Variants in FAM91A1 observed in about 807,000 individuals in gnomAD.
FAM91A1 encodes the protein protein FAM91A1.
Under a neutral mutation model 113.5 loss-of-function variants are expected in FAM91A1, and 41 were observed. That is an observed-to-expected ratio of 0.36 (90% confidence interval 0.28 to 0.47). FAM91A1 has a LOEUF of 0.47. FAM91A1 is among the 20% of genes least tolerant of loss of function. The pLI, the probability that FAM91A1 is intolerant of heterozygous loss-of-function variation, is 1.00. For synonymous variants in FAM91A1, 307 were observed against 347.9 expected (o/e 0.88, Z 1.31); for missense variants, 696 against 1,001.2 (o/e 0.70, Z 4.11).
At chr8:123,793,399 T>C (rs1162068294) in intron 15 of FAM91A1, among the ~76,000 whole-genome samples, 1 of 152,208 alleles carries the variant, frequency 6.6e-6, no homozygotes, top group Non-Finnish European at 1.5e-5. Flanking sequence ...TTTCCCCCAC[T>C]TGAGCAGTTC....
chr8:123,771,738 C>G (rs7815695), intron 1 of FAM91A1, among the ~76,000 whole-genome samples: 55,742 of 151,888 alleles, frequency 0.37, 14,267 homozygotes, highest in African/African-American at 0.73. Context: ...TTTTTTGATG[C>G]GGCACAGGGG....
At chr8:123,774,622 AT>A (rs1814935590) in intron 2 of FAM91A1, among the ~76,000 whole-genome samples, 1 of 151,488 alleles carries the variant, frequency 6.6e-6, no homozygotes, top group Non-Finnish European at 1.5e-5. Flanking sequence ...TTATCAGATT[AT>A]TTTGGTTAGT....
At position 123,799,548 on chromosome 8, in the gene FAM91A1, G is replaced by T; in HGVS notation, c.1589G>T (p.Ser530Ile). 1 of 1,613,446 alleles carries T rather than the reference G, an allele frequency of 6.2e-7. No individual in the cohort carries two copies. The highest frequency in any genetic ancestry group is 8.5e-7 in the Non-Finnish European group (1 of 1,179,856). ...ATTGGACCAGCTATCCCAGAAGTCA[G>T]CTCTGTCTGGTTTAAACTGTACATT... ...QHIGPAIPEV[S>I]SVWFKLYIYH... Residue 530 changes from serine (S) to isoleucine (I), a missense_variant, in exon 17 of 24, where the codon AGC becomes ATC. Physicochemically the swap from Ser to Ile is moderately radical, Grantham distance 142. Transcript: ENST00000334705.
At chr8:123,809,168 G>A (rs567873362) in intron 22 of FAM91A1, 152 bp downstream of exon 22, 354 of 1,225,010 alleles carry the variant, frequency 2.9e-4, no homozygotes, top group Admixed American at 5.1e-4. Context: ...TAAGGGTTTT[G>A]CTGTATTTTT....
At chr8:123,798,588 A>G (rs182704457) in intron 16 of FAM91A1, among the ~76,000 whole-genome samples, 2 of 152,214 alleles carry the variant, frequency 1.3e-5, no homozygotes, top group Admixed American at 6.5e-5. Flanking sequence ...GTGATTCTGA[A>G]TAAGCCGAAA....
At chr8:123,768,821 C>T (rs773115077) in intron 1 of FAM91A1, 47 bp downstream of exon 1, 4 of 1,576,848 alleles carry the variant, frequency 2.5e-6, no homozygotes, top group South Asian at 1.1e-5. Context: ...TCGGCCCGCC[C>T]AGCGGTCACC....
At chr8:123,771,957 C>T (rs886244654) in intron 1 of FAM91A1, among the ~76,000 whole-genome samples, 1 of 152,078 alleles carries the variant, frequency 6.6e-6, no homozygotes, top group Non-Finnish European at 1.5e-5. Context: ...AGAGTTGACT[C>T]GGGGTAAAAT....
chr8:123,790,020 G>A (rs1815346195), intron 15 of FAM91A1, among the ~76,000 whole-genome samples: 1 of 152,084 alleles, frequency 6.6e-6, no homozygotes, highest in Admixed American at 6.5e-5. Context: ...GTAGCTGGAT[G>A]GAATTTAGAA....
chr8:123,800,036 G>C (rs944068752), intron 18 of FAM91A1, 151 bp downstream of exon 18: 9 of 694,696 alleles, frequency 1.3e-5, no homozygotes, highest in Middle Eastern at 4.2e-4. Context: ...AGTCCTGGCC[G>C]TTTGGCAGTG....
At chr8:123,811,976 A>G (rs1815967252) in intron 23 of FAM91A1, 1 of 152,298 alleles carries the variant, frequency 6.6e-6, no homozygotes, top group Non-Finnish European at 1.5e-5. Flanking sequence ...GGTTCAAGCC[A>G]TTCTCCTGCC....
At chr8:123,802,327 A>G (rs1351713074) in intron 18 of FAM91A1, among the ~76,000 whole-genome samples, 1 of 152,198 alleles carries the variant, frequency 6.6e-6, no homozygotes, top group African/African-American at 2.4e-5. Context: ...TTGATCAGAT[A>G]TCTGAGAGAG....
At chr8:123,790,348 C>T (rs1815354170) in intron 15 of FAM91A1, among the ~76,000 whole-genome samples, 1 of 152,000 alleles carries the variant, frequency 6.6e-6, no homozygotes, top group Admixed American at 6.5e-5. Context: ...GAATTTCTAC[C>T]CAGATGGGGA....
chr8:123,798,535 A>T (rs1815599080), intron 16 of FAM91A1, among the ~76,000 whole-genome samples: 1 of 152,200 alleles, frequency 6.6e-6, no homozygotes, highest in African/African-American at 2.4e-5. Flanking sequence ...GAGAGATAAG[A>T]TAAATTTAAT....
intron 15 of FAM91A1, among the ~76,000 whole-genome samples, chr8:123,797,397 C>T (rs550757103): frequency 6.6e-6 from 1 of 152,214 alleles, no homozygotes; most frequent in South Asian, 2.1e-4. Flanking sequence ...TGTAAAGTTA[C>T]ACCCATCATG....
In FAM91A1 at chr8:123,774,064, T is replaced by C. The variant is rs568159067; in HGVS notation, c.73-16T>C. ...AGTTTGGAAGTTGTTTAAAATCTTT[T>C]TGAAATTTCTCCTAGAGTCTTGGAA... is the stretch of plus-strand genomic sequence containing the variant. On this transcript the variant is annotated splice_polypyrimidine_tract_variant and intron_variant, in intron 1 of 23. Coordinates refer to ENST00000334705, the MANE Select transcript of FAM91A1 (RefSeq NM_144963.4). 66 of 1,601,644 alleles carry C rather than the reference T, an allele frequency of 4.1e-5. 1 individual carries two copies. The South Asian group carries it at 7.2e-4, about 18-fold the overall frequency.
intron 20 of FAM91A1, among the ~76,000 whole-genome samples, chr8:123,806,761 C>T (rs1815822523): frequency 6.6e-6 from 1 of 152,058 alleles, no homozygotes; most frequent in Non-Finnish European, 1.5e-5. Flanking sequence ...TGTGACTGCT[C>T]TTCTTGTCTG....
At chr8:123,780,155 C>T in intron 7 of FAM91A1, 80 bp downstream of exon 7, 2 of 1,173,280 alleles carry the variant, frequency 1.7e-6, no homozygotes, top group Non-Finnish European at 2.5e-6. Flanking sequence ...AATTACTTAT[C>T]AAGTAGGTAC....
chr8:123,787,471 A>G (rs1331359789), intron 13 of FAM91A1, 98 bp downstream of exon 13: 14 of 1,088,344 alleles, frequency 1.3e-5, no homozygotes, highest in Admixed American at 4.6e-5. Flanking sequence ...TACTACATTT[A>G]TTCCCGAAGC....
rs1289799784 is a variant in FAM91A1, at chr8:123,778,720, T to C, written c.497T>C (p.Ile166Thr). ...LLPIKPVEIA[I>T]EAWWVVQAGY... is the part of the protein sequence containing the mutation. ...CCAATAAAGCCAGTGGAAATTGCCATAGAGGCGTGGTGGGTGGTGCAGGCT... is the reference window on the plus strand; with the variant it reads ...CCAATAAAGCCAGTGGAAATTGCCACAGAGGCGTGGTGGGTGGTGCAGGCT... The change falls in exon 6 of 24, where the codon ATA becomes ACA. Residue 166 changes from isoleucine (I) to threonine (T), a missense_variant. Transcript: ENST00000334705. 1.2e-6 allele frequency: 2 copies of C among 1,609,256 alleles called. No homozygotes were observed. Among genetic ancestry groups the C allele is most frequent in the South Asian group, 1.1e-5 (1 of 90,786 alleles).
Sources: allele counts gnomAD v4.1 joint callset (sites outside exome capture counted in the v4.1 genomes callset), GRCh38; gene constraint gnomAD v4.1.1; transcripts MANE v1.5; gene names NCBI Gene and HGNC (gene_info 2026-07-23, HGNC 2026-07-21).